The following MAGI1 variants were observed in gnomAD, a reference collection of about 807,000 sequenced individuals.
MAGI1 encodes the protein membrane-associated guanylate kinase, WW and PDZ domain-containing protein 1.
In MAGI1, 58 loss-of-function variants were observed where a neutral mutation model predicts 139.9. The ratio of observed to expected loss-of-function variants is 0.41; its 90% CI spans 0.34 to 0.52. MAGI1 has a LOEUF of 0.52. Among genes scored for constraint, MAGI1 ranks in the 20% least tolerant of loss-of-function variants. The pLI is 0.12. For synonymous variants in MAGI1, 812 were observed against 737.9 expected (o/e 1.10, Z -1.63); for missense variants, 1,874 against 1,901.6 (o/e 0.99, Z 0.27).
chr3:65,713,603 G>C (rs1482446294), intron 1 of MAGI1, among the ~76,000 whole-genome samples: 1 of 152,158 alleles, frequency 6.6e-6, no homozygotes, highest in Non-Finnish European at 1.5e-5. Context: ...GAAGGGCAGA[G>C]ATACATAATA....
At chr3:65,487,622 C>T (rs1182005529) in intron 3 of MAGI1, among the ~76,000 whole-genome samples, 1 of 152,140 alleles carries the variant, frequency 6.6e-6, no homozygotes, top group African/African-American at 2.4e-5. Flanking sequence ...AATATTGGGC[C>T]TGAAAGAGAA....
chr3:65,802,196 A>G (rs565722071), intron 1 of MAGI1, among the ~76,000 whole-genome samples: 1 of 152,260 alleles, frequency 6.6e-6, no homozygotes, highest in East Asian at 1.9e-4. Flanking sequence ...AGAGCCTACT[A>G]TGTGCAACGC....
intron 14 of MAGI1, among the ~76,000 whole-genome samples, chr3:65,385,644 G>A (rs1175657287): frequency 6.6e-6 from 1 of 152,178 alleles, no homozygotes; most frequent in Non-Finnish European, 1.5e-5. Context: ...ACAAGTCAGA[G>A]GAGTTTGAAT....
chr3:65,905,966 G>C (rs2061418849), intron 1 of MAGI1, among the ~76,000 whole-genome samples: 1 of 152,120 alleles, frequency 6.6e-6, no homozygotes, highest in Non-Finnish European at 1.5e-5. Flanking sequence ...AAATAAAAGA[G>C]TTTCTGGGAT....
At chr3:65,482,475 C>A (rs138212396) in intron 3 of MAGI1, among the ~76,000 whole-genome samples, 1 of 152,120 alleles carries the variant, frequency 6.6e-6, no homozygotes, top group Non-Finnish European at 1.5e-5. Flanking sequence ...ACCAAATAAC[C>A]AAGTCTTCTA....
chr3:65,770,200 T>C (rs1192656897), intron 1 of MAGI1, among the ~76,000 whole-genome samples: 1 of 152,246 alleles, frequency 6.6e-6, no homozygotes, highest in South Asian at 2.1e-4. Flanking sequence ...TCAAGGCCTA[T>C]GTGGCCATTC....
At chr3:65,614,659 A>G (rs1304419863) in intron 2 of MAGI1, among the ~76,000 whole-genome samples, 1 of 152,120 alleles carries the variant, frequency 6.6e-6, no homozygotes, top group Non-Finnish European at 1.5e-5. Context: ...AATGACAGTA[A>G]TAACTACCAC....
intron 1 of MAGI1, among the ~76,000 whole-genome samples, chr3:65,784,072 G>A (rs971363452): frequency 1.2e-4 from 19 of 152,084 alleles, no homozygotes; most frequent in Middle Eastern, 3.4e-3. Flanking sequence ...GCAGTGACCT[G>A]AGATTGTGCC....
intron 2 of MAGI1, among the ~76,000 whole-genome samples, chr3:65,504,230 C>T (rs2077191745): frequency 6.6e-6 from 1 of 152,112 alleles, no homozygotes; most frequent in African/African-American, 2.4e-5. Context: ...ACTGCTCTGA[C>T]TATATCACAG....
chr3:65,892,617 T>G (rs528519372), intron 1 of MAGI1, among the ~76,000 whole-genome samples: 56 of 152,320 alleles, frequency 3.7e-4, no homozygotes, highest in South Asian at 8.3e-4. Flanking sequence ...ATTTATGTAT[T>G]AGGTGTTAAC....
chr3:65,606,151 C>T (rs995026564), intron 2 of MAGI1, among the ~76,000 whole-genome samples: 1 of 152,040 alleles, frequency 6.6e-6, no homozygotes, highest in African/African-American at 2.4e-5. Flanking sequence ...ACTATTGTCC[C>T]AATTTTATAA....
Position 65,983,716 on chromosome 3 carries a change from C to T in MAGI1, c.313+54280G>A, listed in dbSNP as rs146358149. Among the ~76,000 whole-genome samples, 917 of 152,254 alleles carry T rather than the reference C, an allele frequency of 6.0e-3. 4 individuals are homozygous for T. Among genetic ancestry groups the T allele is most frequent in the Admixed American group, 0.011 (163 of 15,294 alleles). ...ACTGATGCCCTGGCTAACACAGTCA[C>T]TCAGCACTCCTCCTAGAGAGAACAT... On this transcript the variant is annotated intron_variant, in intron 1 of 22. Transcript: ENST00000402939.
intron 1 of MAGI1, among the ~76,000 whole-genome samples, chr3:65,690,588 T>C (rs1374291037): frequency 2.6e-5 from 4 of 152,102 alleles, no homozygotes; most frequent in East Asian, 3.9e-4. Context: ...GTGATTCTCG[T>C]ACCTCAGCCT....
chr3:65,508,269 C>T (rs996739235), intron 2 of MAGI1, among the ~76,000 whole-genome samples: 1 of 151,930 alleles, frequency 6.6e-6, no homozygotes, highest in Admixed American at 6.6e-5. Context: ...CCGGGCGTGG[C>T]AGTGGGCGCC....
At chr3:65,613,519 GAC>G (rs778229667) in intron 2 of MAGI1, among the ~76,000 whole-genome samples, 39 of 152,104 alleles carry the variant, frequency 2.6e-4, no homozygotes, top group Non-Finnish European at 5.1e-4. Context: ...TCTATTAACA[GAC>G]ACATATAAAT....
intron 2 of MAGI1, among the ~76,000 whole-genome samples, chr3:65,515,876 T>G (rs927998433): frequency 6.6e-5 from 10 of 152,346 alleles, no homozygotes; most frequent in Admixed American, 4.6e-4. Context: ...TGCTTCAGGT[T>G]ACACAAATGC....
intron 1 of MAGI1, among the ~76,000 whole-genome samples, chr3:65,623,652 G>A (rs2083809372): frequency 6.6e-6 from 1 of 152,066 alleles, no homozygotes; most frequent in Admixed American, 6.6e-5. Context: ...CTTCCCTATG[G>A]TCAAAAAGAG....
At chr3:65,738,459 G>C (rs888956957) in intron 1 of MAGI1, among the ~76,000 whole-genome samples, 4 of 152,160 alleles carry the variant, frequency 2.6e-5, no homozygotes, top group African/African-American at 9.7e-5. Flanking sequence ...TTATAAGCTT[G>C]AGCCATCACA....
intron 1 of MAGI1, chr3:65,687,716 A>T: frequency 1.9e-6 from 1 of 531,502 alleles, no homozygotes; most frequent in Non-Finnish European, 3.8e-6. Context: ...GCCCTGGGAA[A>T]CAAAGTCGGG....
Sources: gnomAD v4.1 joint callset for allele counts (sites outside exome capture counted in the v4.1 genomes callset) on GRCh38, gnomAD v4.1.1 for gene constraint, MANE v1.5 for transcripts, NCBI Gene and HGNC (gene_info 2026-07-23, HGNC 2026-07-21) for gene names.